Variants in BCLAF3 observed in about 807,000 individuals in gnomAD.
BCLAF3 encodes BCLAF1 and THRAP3 family member 3.
Under a neutral mutation model 51.2 loss-of-function variants are expected in BCLAF3, and 24 were observed. That is an observed-to-expected ratio of 0.47 (90% confidence interval 0.34 to 0.66). BCLAF3 has a LOEUF of 0.66. Among genes scored for constraint, BCLAF3 ranks in the 30% least tolerant of loss-of-function variants. BCLAF3 has a pLI of 0.01. For missense variants in BCLAF3, 465 were observed against 525.1 expected (o/e 0.89, Z 1.12); for synonymous variants, 152 against 176.6 (o/e 0.86, Z 1.10).
At chrX:19,936,136 A>G (rs954995706) in intron 9 of BCLAF3, among the ~76,000 whole-genome samples, 4 of 111,925 alleles carry the variant, frequency 3.6e-5, no homozygotes, top group African/African-American at 6.5e-5. Context: ...TTACGCCTGT[A>G]ACAAGTATAA....
chrX:19,958,403 A>G (rs1019752797), intron 4 of BCLAF3, among the ~76,000 whole-genome samples: 2 of 111,987 alleles, frequency 1.8e-5, no homozygotes, highest in African/African-American at 6.5e-5. Context: ...CGACACATAT[A>G]AAGTTTTCCT....
chrX:19,979,077 T>C (rs961289296), intron 1 of BCLAF3, among the ~76,000 whole-genome samples: 1 of 110,847 alleles, frequency 9.0e-6, no homozygotes, highest in African/African-American at 3.3e-5. Flanking sequence ...CTGGCCAACA[T>C]GGTGAAACCC....
chrX:19,985,999 G>A (rs1024988082), intron 1 of BCLAF3, among the ~76,000 whole-genome samples: 13 of 107,585 alleles, frequency 1.2e-4, no homozygotes, highest in African/African-American at 4.4e-4. Flanking sequence ...AGAATGAGGG[G>A]AAAAAAACAG....
chrX:19,917,390 G>T (rs1002050566), intron 11 of BCLAF3, 56 bp from the exon 12 acceptor site: 18 of 1,030,513 alleles, frequency 1.7e-5, no homozygotes, highest in Admixed American at 1.2e-4. Context: ...AAACATCTGA[G>T]CTAGTTTTGT....
intron 9 of BCLAF3, 87 bp downstream of exon 9, chrX:19,937,331 G>A (rs1035096949): frequency 1.3e-5 from 7 of 529,769 alleles, no homozygotes; most frequent in African/African-American, 6.9e-5. Flanking sequence ...AATTACAAAC[G>A]TGAAAAATAT....
At chrX:19,982,958 CTTT>C (rs749753466) in intron 1 of BCLAF3, among the ~76,000 whole-genome samples, 8 of 72,343 alleles carry the variant, frequency 1.1e-4, no homozygotes, top group African/African-American at 5.8e-4. Flanking sequence ...TTTTTTTTTT[CTTT>C]TTTTTTTTTT....
rs373036570 is a variant in BCLAF3 at position 19,965,436 on chromosome X, G to A, written c.882C>T (p.Asp294=). The A allele has an allele frequency of 1.7e-6, 2 of 1,210,058 alleles. No individual in the cohort carries two copies. The highest frequency in any genetic ancestry group is 3.5e-5 in the African/African-American group (2 of 57,157). The change falls in exon 4 of 12, where the codon GAC becomes GAT. Residue 294 remains aspartate, a synonymous_variant. Transcript: ENST00000379682. ...ACTTCTGAGTTCTCCCATCAGAAAAGTCCTGGTCCCCATCCAAGAGCTTAG... is the reference window on the plus strand; with the variant it reads ...ACTTCTGAGTTCTCCCATCAGAAAAATCCTGGTCCCCATCCAAGAGCTTAG... ...KRPKLLDGDQ[D]FSDGRTQKYC...
chrX:19,958,857 C>T (rs7881386), intron 4 of BCLAF3, among the ~76,000 whole-genome samples: 4,012 of 112,431 alleles, frequency 0.036, 178 homozygotes, highest in African/African-American at 0.12. Context: ...AATTTAGAAA[C>T]TGTGGAGTTG....
chrX:19,944,080 G>C (rs1309955774), intron 8 of BCLAF3, among the ~76,000 whole-genome samples: 1 of 54,883 alleles, frequency 1.8e-5, no homozygotes, highest in African/African-American at 7.8e-5. Flanking sequence ...TGTTTTATCA[G>C]AGACTAGGAT....
At chrX:19,980,492 C>T (rs1451277458) in intron 1 of BCLAF3, among the ~76,000 whole-genome samples, 2 of 112,168 alleles carry the variant, frequency 1.8e-5, no homozygotes, top group Admixed American at 1.9e-4. Context: ...CTCACTAACC[C>T]TTTCTGAGGA....
At chrX:19,972,010 G>A (rs2072275107) in intron 1 of BCLAF3, among the ~76,000 whole-genome samples, 1 of 111,879 alleles carries the variant, frequency 8.9e-6, no homozygotes, top group African/African-American at 3.3e-5. Context: ...AGCATATCAA[G>A]TCAAAGAACT....
At chrX:19,938,010 C>A (rs775557602) in intron 8 of BCLAF3, among the ~76,000 whole-genome samples, 1 of 111,356 alleles carries the variant, frequency 9.0e-6, no homozygotes, top group African/African-American at 3.3e-5. Flanking sequence ...ACTGGCAGAG[C>A]TGAGGCCTCT....
At chrX:19,956,124 GT>G (rs1228026900) in intron 4 of BCLAF3, among the ~76,000 whole-genome samples, 1 of 111,983 alleles carries the variant, frequency 8.9e-6, no homozygotes, top group Non-Finnish European at 1.9e-5. Flanking sequence ...AATAGTCTTA[GT>G]TGTTAGGCAA....
At chrX:19,940,634 T>C (rs1421039643) in intron 8 of BCLAF3, among the ~76,000 whole-genome samples, 3 of 109,550 alleles carry the variant, frequency 2.7e-5, no homozygotes, top group Non-Finnish European at 5.7e-5. Context: ...TATTCCATGG[T>C]GTATATGTGC....
intron 8 of BCLAF3, among the ~76,000 whole-genome samples, chrX:19,940,224 C>T (rs192082305): frequency 9.0e-6 from 1 of 110,593 alleles, no homozygotes; most frequent in East Asian, 2.8e-4. Flanking sequence ...AAATTTTGGC[C>T]AAGTTATCAT....
chrX:19,937,694 T>C (rs770314581), intron 8 of BCLAF3, among the ~76,000 whole-genome samples, 162 bp from the exon 9 acceptor site: 1 of 112,399 alleles, frequency 8.9e-6, no homozygotes, highest in Non-Finnish European at 1.9e-5. Context: ...TGATAGTCAT[T>C]AGGGCTAAAC....
chrX:19,918,100 C>G (rs2069991711), intron 11 of BCLAF3: 1 of 111,454 alleles, frequency 9.0e-6, no homozygotes, highest in Non-Finnish European at 1.9e-5. Flanking sequence ...ACTATTAAAA[C>G]TGAAAGAAAT....
chrX:19,922,079 T>C (rs948108426), intron 11 of BCLAF3, among the ~76,000 whole-genome samples: 2 of 110,991 alleles, frequency 1.8e-5, no homozygotes, highest in South Asian at 3.8e-4. Flanking sequence ...ATTAATATGT[T>C]TAAAAGTTAA....
At chrX:19,955,900 C>T (rs969713105) in intron 4 of BCLAF3, among the ~76,000 whole-genome samples, 1 of 111,977 alleles carries the variant, frequency 8.9e-6, no homozygotes, top group African/African-American at 3.2e-5. Flanking sequence ...TTATTTTCTA[C>T]TTCCAAATGG....
Sources: allele counts gnomAD v4.1 joint callset (sites outside exome capture counted in the v4.1 genomes callset), GRCh38; gene constraint gnomAD v4.1.1; transcripts MANE v1.5; gene names NCBI Gene and HGNC (gene_info 2026-07-23, HGNC 2026-07-21).